ANKRD55: variants seen among roughly 807,000 people sequenced by gnomAD.
ANKRD55 encodes ankyrin repeat domain-containing protein 55.
Under a neutral mutation model 60.6 loss-of-function variants are expected in ANKRD55, and 41 were observed. The observed-to-expected ratio is 0.68, with a 90% CI of 0.53 to 0.88. The LOEUF is 0.88. Among genes scored for constraint, ANKRD55 ranks in the 40% least tolerant of loss-of-function variants. ANKRD55 has a pLI of 0.00. For synonymous variants in ANKRD55, 264 were observed against 290.3 expected (o/e 0.91, Z 0.92); for missense variants, 732 against 767.6 (o/e 0.95, Z 0.55).
intron 2 of ANKRD55, among the ~76,000 whole-genome samples, chr5:56,216,170 TATC>T (rs1238818878): frequency 6.6e-6 from 1 of 152,154 alleles, no homozygotes; most frequent in East Asian, 1.9e-4. Flanking sequence ...TATATATTAT[TATC>T]ATATCTGTTA....
intron 2 of ANKRD55, among the ~76,000 whole-genome samples, chr5:56,211,871 G>A (rs560350930): frequency 1.3e-5 from 2 of 152,240 alleles, no homozygotes; most frequent in South Asian, 4.2e-4. Context: ...TGTACAACAG[G>A]GAGGGAATTA....
At chr5:56,107,791 G>T (rs564886492) in intron 10 of ANKRD55, among the ~76,000 whole-genome samples, 1 of 152,230 alleles carries the variant, frequency 6.6e-6, no homozygotes, top group African/African-American at 2.4e-5. Context: ...GATGGAAAGA[G>T]CCTATGTTGC....
At chr5:56,105,118 A>C (rs1580933241) in intron 10 of ANKRD55, among the ~76,000 whole-genome samples, 1 of 140,706 alleles carries the variant, frequency 7.1e-6, no homozygotes, top group Non-Finnish European at 1.5e-5. Flanking sequence ...ACAGTGTCTC[A>C]CTCTGTTTCT....
chr5:56,126,985 T>A lies in ANKRD55; in HGVS notation c.734A>T (p.Asp245Val). ...VHIAAAAGFS[D>V]IIHELARVPE... ...GACTCTTGCCAGCTCATGAATAATA[T>A]CGCTGAAGCCCGCTGCCGCTGCGAT... Residue 245 changes from aspartate (D) to valine (V), a missense_variant, in exon 8 of 12, where the codon GAT becomes GTT. By Grantham distance (152) the Asp-to-Val change is radical. Around this residue, in one of 3 missense-constraint regions of ANKRD55, gnomAD observed 597 missense variants for 607.5 expected, o/e 0.98. Transcript: ENST00000341048. 6.2e-7 allele frequency: 1 copy of A among 1,613,676 alleles called. No individual in the cohort carries two copies. The highest frequency in any genetic ancestry group is 8.5e-7 in the Non-Finnish European group (1 of 1,179,778).
intron 4 of ANKRD55, among the ~76,000 whole-genome samples, chr5:56,173,582 C>CTCTCTA (rs1484157730): frequency 7.7e-4 from 35 of 45,236 alleles, no homozygotes; most frequent in African/African-American, 1.6e-3. Flanking sequence ...CTCTCTCTCT[C>CTCTCTA]TATATATATA....
rs1255557630 is a variant in ANKRD55 at position 56,135,294 on chromosome 5, G to GCTTTCTTT, written c.613-8196_613-8189dup. On this transcript the variant is annotated intron_variant, in intron 7 of 11. Transcript: ENST00000341048. ...TCCCTCCCTCCCTGCCTGCCTGCTT[G>GCTTTCTTT]CTTTCTTTCTTTCTTTCTTTCTTTC... Among the ~76,000 whole-genome samples the GCTTTCTTT allele has an allele frequency of 8.1e-4, 68 of 84,430 alleles. 1 individual carries two copies. The highest frequency in any genetic ancestry group is 3.8e-3 in the East Asian group (10 of 2,604). The allele number at this position is 84,430 out of a possible 152,430, so 55.4% of individuals were successfully genotyped here.
chr5:56,174,145 C>T (rs547980154), intron 4 of ANKRD55, among the ~76,000 whole-genome samples: 1 of 152,256 alleles, frequency 6.6e-6, no homozygotes, highest in South Asian at 2.1e-4. Context: ...AGACTCTTCT[C>T]ATGCAGCCCT....
intron 6 of ANKRD55, among the ~76,000 whole-genome samples, chr5:56,149,571 A>C (rs16884917): frequency 2.0e-5 from 3 of 152,216 alleles, no homozygotes; most frequent in African/African-American, 7.2e-5. Context: ...CTTCTGCACT[A>C]AACTGTGAAC....
intron 2 of ANKRD55, among the ~76,000 whole-genome samples, chr5:56,207,116 C>T (rs1242930514): frequency 6.6e-6 from 1 of 152,210 alleles, no homozygotes; most frequent in Non-Finnish European, 1.5e-5. Flanking sequence ...CCCTTCCCCC[C>T]TTGGAAGTTC....
intron 9 of ANKRD55, among the ~76,000 whole-genome samples, chr5:56,116,140 C>T (rs1458469370): frequency 1.3e-5 from 2 of 152,194 alleles, no homozygotes; most frequent in African/African-American, 4.8e-5. Context: ...CAGGCATGAG[C>T]CACCGCACCT....
intron 2 of ANKRD55, among the ~76,000 whole-genome samples, chr5:56,226,854 A>G (rs1447832186): frequency 6.6e-6 from 1 of 152,190 alleles, no homozygotes; most frequent in Non-Finnish European, 1.5e-5. Flanking sequence ...GCTGGAGAGG[A>G]TGTGGAGAAA....
At chr5:56,130,917 T>G (rs998904335) in intron 7 of ANKRD55, among the ~76,000 whole-genome samples, 3 of 151,972 alleles carry the variant, frequency 2.0e-5, no homozygotes, top group African/African-American at 4.8e-5. Context: ...AAGATCTCAA[T>G]GTAAACCTCC....
intron 3 of ANKRD55, among the ~76,000 whole-genome samples, chr5:56,177,923 A>G (rs1758771858): frequency 6.6e-6 from 1 of 152,150 alleles, no homozygotes; most frequent in African/African-American, 2.4e-5. Context: ...CTGACCCTCC[A>G]TTGTGAACTG....
chr5:56,233,062 G>A, intron 1 of ANKRD55, 116 bp from the exon 2 acceptor site: 1 of 695,716 alleles, frequency 1.4e-6, no homozygotes. Flanking sequence ...GCAGGTTGTT[G>A]TCAAGGCAAG....
In ANKRD55 at chr5:56,111,788, C is replaced by G; in HGVS notation, c.966-6G>C. 1 of 1,486,084 alleles carries G rather than the reference C, an allele frequency of 6.7e-7. No individual in the cohort carries two copies. The highest frequency in any genetic ancestry group is 2.3e-5 in the East Asian group (1 of 42,672). The allele number at this position is 1,486,084 out of a possible 1,614,324, so 92.1% of individuals were successfully genotyped here. A position where few individuals can be genotyped will look rare whatever the true frequency, so the allele number is the denominator to read the frequency against. ...GGGGTCGAGTAGGCTCTGTTCTATG[C>G]GAATATAAAAGAGCAGGGATGATAT... On this transcript the variant is annotated splice_region_variant and splice_polypyrimidine_tract_variant and intron_variant, in intron 9 of 11. Transcript: ENST00000341048.
In ANKRD55 at chr5:56,162,671, CA is replaced by C. The variant is rs780858031; in HGVS notation, c.423-2779del. Among the ~76,000 whole-genome samples, 167 of 81,666 alleles carry C rather than the reference CA, an allele frequency of 2.0e-3. 2 individuals are homozygous for C. Among genetic ancestry groups the C allele is most frequent in the African/African-American group, 7.3e-3 (145 of 19,764 alleles). The allele number at this position is 81,666 out of a possible 152,430, so 53.6% of individuals were successfully genotyped here. On this transcript the variant is annotated intron_variant, in intron 5 of 11. Transcript: ENST00000341048. The stretch of plus-strand genomic sequence containing the variant: ...CATCTCTTGTTGGTCAATTTTTGGT[CA>C]ATTTTTTTTTTTTTTGAGACAAGCT...
chr5:56,156,771 C>T (rs1758203996), intron 6 of ANKRD55, among the ~76,000 whole-genome samples: 1 of 152,152 alleles, frequency 6.6e-6, no homozygotes, highest in African/African-American at 2.4e-5. Context: ...ATCTTTAAAG[C>T]AGAAGTTTCT....
At chr5:56,136,883 T>C in intron 7 of ANKRD55, 1 of 378,088 alleles carries the variant, frequency 2.6e-6, no homozygotes, top group East Asian at 6.6e-5. Flanking sequence ...ATTATGTCAC[T>C]GCACTCCAGC....
intron 5 of ANKRD55, among the ~76,000 whole-genome samples, chr5:56,166,158 T>TTCTTTCCTTCC (rs58740295): frequency 3.1e-3 from 223 of 71,650 alleles, no homozygotes; most frequent in East Asian, 5.6e-3. Flanking sequence ...TTCTTTCTTC[T>TTCTTTCCTTCC]TTCCTTCCTT....
Sources: allele counts gnomAD v4.1 joint callset (sites outside exome capture counted in the v4.1 genomes callset), GRCh38; gene constraint gnomAD v4.1.1; regional missense constraint gnomAD v4.1.1; transcripts MANE v1.5; gene names NCBI Gene and HGNC (gene_info 2026-07-23, HGNC 2026-07-21).